The following CCDC148 variants were observed in gnomAD, a reference collection of about 807,000 sequenced individuals.
The protein encoded by CCDC148 is coiled-coil domain-containing protein 148.
CCDC148 carries 89 observed loss-of-function variants against 85.7 expected under a neutral mutation model. That is an observed-to-expected ratio of 1.04 (90% CI 0.87 to 1.24). The LOEUF (loss-of-function observed/expected upper bound fraction) is 1.24, where lower values mean the gene tolerates loss of function less well. CCDC148 is among the 50% of genes most tolerant of loss of function. CCDC148 has a pLI of 0.00. For missense variants in CCDC148, 692 were observed against 671.7 expected (o/e 1.03, Z -0.33); for synonymous variants, 230 against 213.9 (o/e 1.08, Z -0.66).
At chr2:158,254,135 A>C (rs985237096) in intron 9 of CCDC148, among the ~76,000 whole-genome samples, 6 of 151,738 alleles carry the variant, frequency 4.0e-5, no homozygotes, top group Non-Finnish European at 8.9e-5. Flanking sequence ...ACCAAATGCA[A>C]TATGTGGTTT....
Position 158,185,264 on chromosome 2 carries a change from T to C in CCDC148, c.1371-6268A>G, listed in dbSNP as rs147940474. On this transcript the variant is annotated intron_variant, in intron 11 of 13. Coordinates refer to ENST00000283233, the MANE Select transcript of CCDC148 (RefSeq NM_138803.4). ...TGCTGGTGATGGGCAGTTGCAATAATGGCTATTACTGAACCTCTTTCTTTC... is the reference window on the plus strand; with the variant it reads ...TGCTGGTGATGGGCAGTTGCAATAACGGCTATTACTGAACCTCTTTCTTTC... 1.7e-4 allele frequency among the ~76,000 whole-genome samples: 26 copies of C among 152,242 alleles called. No homozygotes were observed. The East Asian group carries it at 5.0e-3, about 30-fold the overall frequency.
At chr2:158,239,456 G>T (rs111525730) in intron 10 of CCDC148, among the ~76,000 whole-genome samples, 21 of 151,908 alleles carry the variant, frequency 1.4e-4, no homozygotes, top group Admixed American at 4.6e-4. Context: ...TGAGCTTCTC[G>T]GATTACCATT....
chr2:158,324,595 A>G (rs555895639), intron 7 of CCDC148, among the ~76,000 whole-genome samples: 1 of 152,304 alleles, frequency 6.6e-6, no homozygotes, highest in Non-Finnish European at 1.5e-5. Flanking sequence ...CTTAAAGATC[A>G]TATCTAAAGA....
At chr2:158,200,506 C>T (rs778368622) in intron 11 of CCDC148, among the ~76,000 whole-genome samples, 16 of 152,176 alleles carry the variant, frequency 1.1e-4, no homozygotes, top group Admixed American at 2.6e-4. Context: ...ATTGACAGAG[C>T]TGAGAAGCTG....
intron 1 of CCDC148, among the ~76,000 whole-genome samples, chr2:158,433,022 C>T (rs541825083): frequency 7.0e-6 from 1 of 143,764 alleles, no homozygotes; most frequent in Admixed American, 7.2e-5. Flanking sequence ...TGGACTGCTT[C>T]AGCTCAGGAG....
At chr2:158,449,783 A>C (rs940746366) in intron 1 of CCDC148, among the ~76,000 whole-genome samples, 2 of 152,170 alleles carry the variant, frequency 1.3e-5, no homozygotes, top group Admixed American at 6.5e-5. Flanking sequence ...AGGTACGTTC[A>C]AAGTGGTATG....
intron 9 of CCDC148, among the ~76,000 whole-genome samples, chr2:158,275,945 T>C (rs904396369): frequency 1.3e-5 from 2 of 152,104 alleles, no homozygotes; most frequent in African/African-American, 4.8e-5. Flanking sequence ...AGAATTATCA[T>C]TATACCTATA....
chr2:158,335,849 G>T (rs1682347168), intron 7 of CCDC148, among the ~76,000 whole-genome samples: 1 of 152,084 alleles, frequency 6.6e-6, no homozygotes, highest in African/African-American at 2.4e-5. Flanking sequence ...AAATGAGGTT[G>T]CACTGACTGG....
chr2:158,369,927 A>C lies in CCDC148; in HGVS notation c.26-11357T>G, dbSNP rs187379681. 3.3e-5 allele frequency among the ~76,000 whole-genome samples: 5 copies of C among 152,258 alleles called. No homozygotes were observed. In the East Asian group the frequency reaches 9.6e-4, roughly 29 times the overall value. ...GGCCTTTTCTGTGTCTATTGAGAAA[A>C]TCATCTGGTTTTGTCTTTAGTTCTG... On this transcript the variant is annotated intron_variant, in intron 1 of 13. Transcript: ENST00000283233.
intron 7 of CCDC148, among the ~76,000 whole-genome samples, chr2:158,322,322 TA>T (rs1692557998): frequency 6.6e-6 from 1 of 152,076 alleles, no homozygotes; most frequent in Admixed American, 6.6e-5. Flanking sequence ...CCATCTAATT[TA>T]AAAATATATT....
intron 9 of CCDC148, among the ~76,000 whole-genome samples, chr2:158,308,604 C>T (rs1166266551): frequency 5.9e-5 from 9 of 152,142 alleles, no homozygotes; most frequent in Admixed American, 5.9e-4. Flanking sequence ...TTTTGTTGCA[C>T]CATCATCTTC....
chr2:158,320,368 A>G (rs1423818029), intron 7 of CCDC148, among the ~76,000 whole-genome samples: 1 of 152,174 alleles, frequency 6.6e-6, no homozygotes, highest in Non-Finnish European at 1.5e-5. Context: ...ATAAACATAA[A>G]CCTGGGAATG....
intron 1 of CCDC148, among the ~76,000 whole-genome samples, chr2:158,399,669 T>C (rs1014426792): frequency 3.3e-5 from 5 of 152,126 alleles, no homozygotes; most frequent in Admixed American, 1.3e-4. Flanking sequence ...GCCAATATCA[T>C]ACTGAATGGG....
intron 1 of CCDC148, among the ~76,000 whole-genome samples, chr2:158,455,698 T>G (rs528052182): frequency 6.6e-6 from 1 of 152,280 alleles, no homozygotes; most frequent in Admixed American, 6.5e-5. Flanking sequence ...TGTAAGAATA[T>G]CAGTGGCTAT....
At chr2:158,261,149 T>A (rs1689204542) in intron 9 of CCDC148, among the ~76,000 whole-genome samples, 1 of 152,038 alleles carries the variant, frequency 6.6e-6, no homozygotes, top group Non-Finnish European at 1.5e-5. Flanking sequence ...CAAAACAACA[T>A]GGTACTGGTA....
At chr2:158,303,762 A>T (rs1691555833) in intron 9 of CCDC148, among the ~76,000 whole-genome samples, 1 of 151,118 alleles carries the variant, frequency 6.6e-6, no homozygotes. Context: ...GTTTACCCTC[A>T]TGTGACCATA....
chr2:158,248,048 T>C (rs201952666), intron 10 of CCDC148, among the ~76,000 whole-genome samples: 1 of 152,270 alleles, frequency 6.6e-6, no homozygotes, highest in Admixed American at 6.5e-5. Context: ...TAGGTATTTG[T>C]CCTAATGCTC....
chr2:158,293,956 C>T (rs73968909), intron 9 of CCDC148, among the ~76,000 whole-genome samples: 17,018 of 36,800 alleles, frequency 0.46, 2,351 homozygotes, highest in East Asian at 0.54. Flanking sequence ...CTTCCCCTCT[C>T]CCTCCCTCCC....
chr2:158,332,901 T>G (rs933112655), intron 7 of CCDC148, among the ~76,000 whole-genome samples: 5 of 149,912 alleles, frequency 3.3e-5, no homozygotes, highest in African/African-American at 7.4e-5. Flanking sequence ...TGTTTTTTTG[T>G]GTCTACTTGA....
Sources: allele counts gnomAD v4.1 joint callset (sites outside exome capture counted in the v4.1 genomes callset), GRCh38; gene constraint gnomAD v4.1.1; transcripts MANE v1.5; gene names NCBI Gene and HGNC (gene_info 2026-07-23, HGNC 2026-07-21).